The following FBXO34 variants were observed in gnomAD, a reference collection of about 807,000 sequenced individuals.
FBXO34 encodes the protein F-box protein 34.
In FBXO34, 12 loss-of-function variants were observed where a neutral mutation model predicts 24.5. That is an observed-to-expected ratio of 0.49 (90% CI 0.31 to 0.79). The LOEUF is 0.79. FBXO34 is among the 30% of genes least tolerant of loss of function. The pLI, the probability that FBXO34 is intolerant of heterozygous loss-of-function variation, is 0.04. For missense variants in FBXO34, 823 were observed against 857.7 expected (o/e 0.96, Z 0.51); for synonymous variants, 320 against 311.9 (o/e 1.03, Z -0.27).
chr14:55,320,505 A>C (rs905424019), intron 1 of FBXO34, among the ~76,000 whole-genome samples: 2 of 152,184 alleles, frequency 1.3e-5, no homozygotes, highest in African/African-American at 4.8e-5. Context: ...TAATCCCAGC[A>C]CTTTGGGAGG....
At chr14:55,414,438 CAG>C in the FBXO34 span, 3 of 1,606,402 alleles carry the variant, frequency 1.9e-6, no homozygotes, top group African/African-American at 2.7e-5. Flanking sequence ...TCATAGATCT[CAG>C]AACGTTCTTT....
At chr14:55,335,938 A>G (rs1359300526) in intron 1 of FBXO34, among the ~76,000 whole-genome samples, 3 of 152,162 alleles carry the variant, frequency 2.0e-5, no homozygotes, top group African/African-American at 4.8e-5. Context: ...CCCTTCCTAC[A>G]TGACTGAATG....
the FBXO34 span, among the ~76,000 whole-genome samples, chr14:55,435,424 C>A: frequency 6.6e-6 from 1 of 151,856 alleles, no homozygotes; most frequent in African/African-American, 2.4e-5. Context: ...TACAGGCACC[C>A]GCCACAACAT....
At position 55,351,821 on chromosome 14, in the gene FBXO34, A is replaced by C. The variant is rs201229027; in HGVS notation, c.1431A>C (p.Pro477=). Residue 477 remains proline (P), a synonymous_variant, in exon 2 of 2, where the codon CCA becomes CCC. Transcript: ENST00000313833. ...CCATTTTAAACTCCTGTGAAGACCC[A>C]GTTCCAGGGATGTTGTTTTTTTTGC... ...QPSILNSCED[P]VPGMLFFLPP... is the part of the protein sequence containing the mutation. The C allele has an allele frequency of 1.9e-6, 3 of 1,614,196 alleles. No homozygotes were observed. Among genetic ancestry groups the C allele is most frequent in the Non-Finnish European group, 2.5e-6 (3 of 1,180,034 alleles).
the FBXO34 span, among the ~76,000 whole-genome samples, chr14:55,399,019 C>T: frequency 6.6e-6 from 1 of 152,140 alleles, no homozygotes; most frequent in Non-Finnish European, 1.5e-5. Flanking sequence ...GAAAACAATT[C>T]AACAGGCCAT....
the FBXO34 span, among the ~76,000 whole-genome samples, chr14:55,383,223 G>A: frequency 6.6e-6 from 1 of 151,968 alleles, no homozygotes; most frequent in Admixed American, 6.6e-5. Context: ...AACTAACCGA[G>A]GACTGAAAAT....
the FBXO34 span, among the ~76,000 whole-genome samples, chr14:55,388,908 G>T: frequency 4.6e-5 from 7 of 152,134 alleles, no homozygotes; most frequent in African/African-American, 1.7e-4. Flanking sequence ...AACCAGTCAT[G>T]ATGAGAGGAG....
chr14:55,393,482 G>A, the FBXO34 span, among the ~76,000 whole-genome samples: 2 of 151,840 alleles, frequency 1.3e-5, no homozygotes, highest in Admixed American at 6.6e-5. Flanking sequence ...GTGACTGTTA[G>A]CCTGACTCCT....
chr14:55,408,868 T>C, the FBXO34 span, among the ~76,000 whole-genome samples: 21 of 152,308 alleles, frequency 1.4e-4, no homozygotes, highest in East Asian at 3.3e-3. Flanking sequence ...AACTCAACCT[T>C]AGAGTCTAAA....
downstream of FBXO34, among the ~76,000 whole-genome samples, chr14:55,356,019 T>G (rs1884517624): frequency 6.6e-6 from 1 of 152,212 alleles, no homozygotes; most frequent in African/African-American, 2.4e-5. Context: ...GTGCATCTGG[T>G]ATAACCTCAG....
intron 1 of FBXO34, among the ~76,000 whole-genome samples, chr14:55,328,983 A>G (rs1048384766): frequency 2.6e-5 from 4 of 151,878 alleles, no homozygotes; most frequent in African/African-American, 4.8e-5. Flanking sequence ...AGTATAGTAC[A>G]TTAGCAAACA....
chr14:55,377,647 C>A, the FBXO34 span, among the ~76,000 whole-genome samples: 11 of 152,184 alleles, frequency 7.2e-5, no homozygotes, highest in East Asian at 5.8e-4. Flanking sequence ...ACAAAAAAAA[C>A]CCATAAAAGT....
chr14:55,382,738 G>C, the FBXO34 span, among the ~76,000 whole-genome samples: 6 of 152,142 alleles, frequency 3.9e-5, no homozygotes, highest in Non-Finnish European at 8.8e-5. Flanking sequence ...CACACAATGT[G>C]AGGAAGACGG....
intron 1 of FBXO34, among the ~76,000 whole-genome samples, chr14:55,289,862 A>ATT (rs1881884624): frequency 6.6e-6 from 1 of 152,028 alleles, no homozygotes; most frequent in African/African-American, 2.4e-5. Flanking sequence ...CTACCTTTAA[A>ATT]AAAAAAAACA....
In FBXO34 at chr14:55,343,560, A is replaced by ATT. The variant is rs1884060864; in HGVS notation, c.-10-6817_-10-6816dup. ...CATGCCCCCAGCCATTATTCCTCCG[A>ATT]TTTTTATAAATAAAGAGTGGCTCTT... On this transcript the variant is annotated intron_variant, in intron 1 of 1. Transcript: ENST00000313833. Among the ~76,000 whole-genome samples the ATT allele has an allele frequency of 3.3e-5, 5 of 152,218 alleles. No individual in the cohort carries two copies. The South Asian group carries it at 1.0e-3, about 32-fold the overall frequency.
intron 1 of FBXO34, among the ~76,000 whole-genome samples, chr14:55,346,164 A>G (rs1363721695): frequency 6.6e-6 from 1 of 152,222 alleles, no homozygotes; most frequent in Non-Finnish European, 1.5e-5. Flanking sequence ...TACCTAGTCT[A>G]GTAGTCATGG....
At chr14:55,358,958 T>C (rs112349258) in intron 3 of FBXO34, among the ~76,000 whole-genome samples, 8,813 of 150,046 alleles carry the variant, frequency 0.059, 324 homozygotes, top group South Asian at 0.091. Flanking sequence ...AGGAGGAGGG[T>C]GGTTGCTGGG....
At position 55,352,676 on chromosome 14, in the gene FBXO34, A is replaced by G. The variant is rs1249018687; in HGVS notation, c.*150A>G. Reference sequence around the variant, plus strand: ...ATTGCTCAGGCATTTTCTAAACTCTAAATTTACGAGCTGTACAAAAAAATT... The same window carrying G: ...ATTGCTCAGGCATTTTCTAAACTCTGAATTTACGAGCTGTACAAAAAAATT... On this transcript the variant is annotated 3_prime_UTR_variant, in exon 2 of 2. Transcript: ENST00000313833. The G allele has an allele frequency of 2.9e-6, 2 of 685,508 alleles. No individual in the cohort carries two copies. Among genetic ancestry groups the G allele is most frequent in the African/African-American group, 1.8e-5 (1 of 55,296 alleles). The allele number at this position is 685,508 out of a possible 1,614,324, so 42.5% of individuals were successfully genotyped here.
At chr14:55,327,946 A>G (rs111648077) in intron 1 of FBXO34, among the ~76,000 whole-genome samples, 22 of 42,276 alleles carry the variant, frequency 5.2e-4, no homozygotes, top group East Asian at 1.0e-3. Flanking sequence ...TTTTTTTTGG[A>G]GACAGACTCC....
Sources: allele counts gnomAD v4.1 joint callset (sites outside exome capture counted in the v4.1 genomes callset), GRCh38; gene constraint gnomAD v4.1.1; transcripts MANE v1.5; gene names NCBI Gene and HGNC (gene_info 2026-07-23, HGNC 2026-07-21).